SOX5: variants seen among roughly 807,000 people sequenced by gnomAD.
SOX5 encodes SRY-box transcription factor 5, also known as transcription factor SOX-5.
A neutral mutation model predicts 92.0 loss-of-function variants in SOX5; 9 were observed. The observed-to-expected ratio is 0.10, with a 90% confidence interval of 0.06 to 0.17. SOX5 has a LOEUF of 0.17. Ranked by LOEUF, SOX5 falls within the 10% of genes least tolerant of loss-of-function variation. The pLI is 1.00. For synonymous variants in SOX5, 344 were observed against 336.3 expected (o/e 1.02, Z -0.25); for missense variants, 642 against 944.5 (o/e 0.68, Z 4.20).
At chr12:24,082,428 AAAAAAAG>A in intron 4 of SOX5, among the ~76,000 whole-genome samples, 1 of 150,196 alleles carries the variant, frequency 6.7e-6, no homozygotes, top group South Asian at 2.1e-4. Context: ...AAAAAAAAAA[AAAAAAAG>A]ATGTATCCAG....
intron 3 of SOX5, 142 bp from the exon 4 acceptor site, chr12:23,755,866 G>A: frequency 1.9e-6 from 1 of 537,240 alleles, no homozygotes; most frequent in Non-Finnish European, 3.2e-6. Context: ...TGATAACAGG[G>A]GTGGAAAAAA....
chr12:24,506,982 G>A (rs1283464784), intron 1 of SOX5, among the ~76,000 whole-genome samples: 2 of 151,474 alleles, frequency 1.3e-5, no homozygotes, highest in African/African-American at 2.4e-5. Context: ...AGTAGAGACG[G>A]GGTTTCACCT....
intron 6 of SOX5, among the ~76,000 whole-genome samples, chr12:23,681,411 C>T (rs2086607588): frequency 6.6e-6 from 1 of 151,572 alleles, no homozygotes; most frequent in Non-Finnish European, 1.5e-5. Context: ...AGTTTAATTA[C>T]AATAAATATA....
At chr12:23,809,103 A>G (rs2095831702) in intron 3 of SOX5, among the ~76,000 whole-genome samples, 1 of 152,096 alleles carries the variant, frequency 6.6e-6, no homozygotes, top group African/African-American at 2.4e-5. Flanking sequence ...TGTATGGGAG[A>G]CATCCTTCTG....
intron 1 of SOX5, among the ~76,000 whole-genome samples, chr12:24,516,875 T>C (rs1374332994): frequency 6.6e-6 from 1 of 152,192 alleles, no homozygotes; most frequent in Non-Finnish European, 1.5e-5. Context: ...CTAGAAAAGA[T>C]AAAAATAATA....
intron 6 of SOX5, among the ~76,000 whole-genome samples, chr12:23,714,645 A>T (rs2092345783): frequency 6.6e-6 from 1 of 152,070 alleles, no homozygotes; most frequent in African/African-American, 2.4e-5. Flanking sequence ...CAACAAAAAA[A>T]ACCCACAACA....
chr12:24,032,515 A>G (rs2136878393), intron 4 of SOX5, among the ~76,000 whole-genome samples: 1 of 152,028 alleles, frequency 6.6e-6, no homozygotes, highest in East Asian at 1.9e-4. Context: ...AATGATTAAA[A>G]TCTATAATTA....
intron 6 of SOX5, among the ~76,000 whole-genome samples, chr12:23,700,142 C>G (rs2090426551): frequency 6.6e-6 from 1 of 152,084 alleles, no homozygotes; most frequent in Non-Finnish European, 1.5e-5. Flanking sequence ...GAATGTAGAG[C>G]AAAGCTGCTG....
rs528741802 is a variant in SOX5 at position 23,804,915 on chromosome 12, T to TTATATA, written c.481+41062_481+41067dup. ...TTTTCTCTATTTACCTATCATTGTT[T>TTATATA]TATATATATATATATATATATATAT... On this transcript the variant is annotated intron_variant, in intron 3 of 14. Transcript: ENST00000451604. 5.4e-3 allele frequency among the ~76,000 whole-genome samples: 401 copies of TTATATA among 74,934 alleles called. 3 individuals carry two copies. The highest frequency in any genetic ancestry group is 6.9e-3 in the Non-Finnish European group (269 of 39,034). 49.2% of individuals were successfully genotyped at this position (74,934 alleles called of 152,430 possible).
intron 1 of SOX5, among the ~76,000 whole-genome samples, chr12:23,899,400 G>GTA (rs2097209324): frequency 8.3e-6 from 1 of 120,014 alleles, no homozygotes; most frequent in Admixed American, 9.1e-5. Flanking sequence ...AACTCCGTCT[G>GTA]AAAAAAAAGA....
intron 3 of SOX5, among the ~76,000 whole-genome samples, chr12:24,252,918 T>C (rs1171795023): frequency 6.6e-6 from 1 of 152,160 alleles, no homozygotes; most frequent in Admixed American, 6.5e-5. Flanking sequence ...CAGCAAGTAA[T>C]TTCCCTCTGC....
chr12:23,558,278 C>A lies in SOX5; in HGVS notation c.1488+4980G>T, dbSNP rs149455564. Among the ~76,000 whole-genome samples, 548 of 152,262 alleles carry A rather than the reference C, an allele frequency of 3.6e-3. 2 individuals carry two copies. The highest frequency in any genetic ancestry group is 6.3e-3 in the Non-Finnish European group (426 of 68,018). On this transcript the variant is annotated intron_variant, in intron 11 of 14. Transcript: ENST00000451604. ...TAATTCATGATCAATTTAAAGTAGTCTCTTTTCCTTTGGCCAGTAATGGTC... is the reference window on the plus strand; with the variant it reads ...TAATTCATGATCAATTTAAAGTAGTATCTTTTCCTTTGGCCAGTAATGGTC...
At chr12:24,012,517 A>G (rs1295478473) in intron 4 of SOX5, among the ~76,000 whole-genome samples, 5 of 152,294 alleles carry the variant, frequency 3.3e-5, no homozygotes, top group African/African-American at 9.6e-5. Context: ...AAAGTGAAGG[A>G]AAACATTTTG....
intron 1 of SOX5, among the ~76,000 whole-genome samples, chr12:24,475,070 T>C (rs989596303): frequency 6.6e-6 from 1 of 152,070 alleles, no homozygotes; most frequent in Middle Eastern, 3.2e-3. Flanking sequence ...AAGCTGGTCA[T>C]GAATTCCTGA....
At chr12:23,670,037 C>T (rs1011369172) in intron 6 of SOX5, among the ~76,000 whole-genome samples, 4 of 151,940 alleles carry the variant, frequency 2.6e-5, no homozygotes, top group African/African-American at 4.8e-5. Flanking sequence ...TTCAACAAAA[C>T]GTGGAGGAAA....
intron 1 of SOX5, among the ~76,000 whole-genome samples, chr12:23,939,028 A>G (rs1190026669): frequency 6.6e-6 from 1 of 151,020 alleles, no homozygotes; most frequent in Admixed American, 6.6e-5. Flanking sequence ...GCATTCAGAC[A>G]TATCCAAATA....
intron 10 of SOX5, among the ~76,000 whole-genome samples, chr12:23,574,814 T>G (rs903579743): frequency 3.0e-4 from 46 of 152,334 alleles, no homozygotes; most frequent in African/African-American, 1.1e-3. Flanking sequence ...CAAGGCTCAG[T>G]TTGAATTAGG....
At chr12:23,815,395 C>T (rs1342168820) in intron 3 of SOX5, among the ~76,000 whole-genome samples, 6 of 152,122 alleles carry the variant, frequency 3.9e-5, no homozygotes, top group African/African-American at 1.4e-4. Context: ...GATGTACCAA[C>T]AACAACCTTT....
intron 2 of SOX5, among the ~76,000 whole-genome samples, chr12:24,360,055 G>C (rs1955364250): frequency 6.6e-6 from 1 of 152,212 alleles, no homozygotes; most frequent in African/African-American, 2.4e-5. Flanking sequence ...TAAAATAAGG[G>C]AAGGAGACAG....
Sources: allele counts gnomAD v4.1 joint callset (sites outside exome capture counted in the v4.1 genomes callset), GRCh38; gene constraint gnomAD v4.1.1; transcripts MANE v1.5; gene names NCBI Gene and HGNC (gene_info 2026-07-23, HGNC 2026-07-21).